HNRNPC: variants seen among roughly 807,000 people sequenced by gnomAD.
HNRNPC encodes heterogeneous nuclear ribonucleoproteins C1/C2.
HNRNPC carries 3 observed loss-of-function variants against 33.2 expected under a neutral mutation model. The observed-to-expected ratio is 0.09, with a 90% CI of 0.04 to 0.23. HNRNPC has a LOEUF of 0.23. Ranked by LOEUF, HNRNPC falls within the 10% of genes least tolerant of loss-of-function variation. The pLI is 1.00. For missense variants in HNRNPC, 143 were observed against 366.7 expected, an observed-to-expected ratio of 0.39 and a Z score of 4.98; for synonymous variants, 121 against 126.7, an observed-to-expected ratio of 0.96 and a Z score of 0.30.
rs934360719 is a variant in HNRNPC, at chr14:21,211,099, G to T, written c.*124C>A. ...AATTAATGAACATGGGAAGGACAAG[G>T]ATGGGGAGAACAGTGAGCATGTGCT... On this transcript the variant is annotated 3_prime_UTR_variant, in exon 9 of 9. Transcript: ENST00000553300. 5 of 1,072,104 alleles carry T rather than the reference G, an allele frequency of 4.7e-6. No individual in the cohort carries two copies. The African/African-American group carries it at 7.8e-5, about 17-fold the overall frequency. The allele number at this position is 1,072,104 out of a possible 1,614,324, so 66.4% of individuals were successfully genotyped here. A position where few individuals can be genotyped will look rare whatever the true frequency, so the allele number is the denominator to read the frequency against.
intron 1 of HNRNPC, chr14:21,265,109 A>T (rs182364905): frequency 6.6e-6 from 1 of 152,364 alleles, no homozygotes; most frequent in East Asian, 1.9e-4. Context: ...ATTTTTAAAA[A>T]GAACAGTGTA....
chr14:21,228,604 G>T (rs1411640110), intron 5 of HNRNPC, among the ~76,000 whole-genome samples: 1 of 151,910 alleles, frequency 6.6e-6, no homozygotes, highest in Non-Finnish European at 1.5e-5. Flanking sequence ...ATATTGCCCA[G>T]GCTGGTCTTG....
At chr14:21,227,204 AAAC>A (rs993148293) in intron 5 of HNRNPC, among the ~76,000 whole-genome samples, 1 of 151,604 alleles carries the variant, frequency 6.6e-6, no homozygotes, top group African/African-American at 2.4e-5. Flanking sequence ...TCTCCCCACT[AAAC>A]AAACACTCCT....
At chr14:21,226,895 A>AAAGG (rs1491109668) in intron 5 of HNRNPC, among the ~76,000 whole-genome samples, 2 of 106,658 alleles carry the variant, frequency 1.9e-5, no homozygotes, top group Admixed American at 1.1e-4. Flanking sequence ...AAAAAAAAAA[A>AAAGG]GGGGGGGGGG....
chr14:21,237,530 T>C (rs1894837096), intron 2 of HNRNPC, among the ~76,000 whole-genome samples: 1 of 152,210 alleles, frequency 6.6e-6, no homozygotes, highest in Non-Finnish European at 1.5e-5. Flanking sequence ...CTGCAATATT[T>C]TGTCAAGACT....
intron 2 of HNRNPC, among the ~76,000 whole-genome samples, chr14:21,237,012 G>T (rs1894767040): frequency 6.6e-6 from 1 of 152,188 alleles, no homozygotes; most frequent in South Asian, 2.1e-4. Context: ...ATAACCAGCA[G>T]TTATTTATTG....
At chr14:21,219,460 T>C (rs1288775280) in intron 5 of HNRNPC, among the ~76,000 whole-genome samples, 1 of 152,220 alleles carries the variant, frequency 6.6e-6, no homozygotes, top group Non-Finnish European at 1.5e-5. Context: ...TAACAGTACC[T>C]ACCTTTGTCA....
chr14:21,216,067 C>T (rs1230599582), intron 5 of HNRNPC, among the ~76,000 whole-genome samples: 1 of 147,880 alleles, frequency 6.8e-6, no homozygotes, highest in African/African-American at 2.5e-5. Context: ...TTGCAGACAG[C>T]CATTGCACTC....
At chr14:21,268,107 A>T (rs1214854222) in intron 1 of HNRNPC, among the ~76,000 whole-genome samples, 1 of 152,198 alleles carries the variant, frequency 6.6e-6, no homozygotes, top group Non-Finnish European at 1.5e-5. Flanking sequence ...ACTTAGCCAA[A>T]TCTCATGTGA....
chr14:21,245,804 T>C (rs888219805), intron 2 of HNRNPC, among the ~76,000 whole-genome samples: 2 of 152,166 alleles, frequency 1.3e-5, no homozygotes, highest in African/African-American at 2.4e-5. Flanking sequence ...ATCAGCAAGA[T>C]GTCACTAGGC....
chr14:21,268,498 G>A (rs2139092361), intron 1 of HNRNPC: 1 of 152,212 alleles, frequency 6.6e-6, no homozygotes, highest in South Asian at 2.1e-4. Context: ...CATTAACTAG[G>A]TAAAAACCAC....
intron 4 of HNRNPC, 27 bp downstream of exon 4, chr14:21,230,970 G>A: frequency 1.2e-6 from 2 of 1,613,550 alleles, no homozygotes. Context: ...GAGTAGAGGG[G>A]ACGGAGAAGG....
At chr14:21,215,000 G>A (rs1269724411) in intron 5 of HNRNPC, among the ~76,000 whole-genome samples, 4 of 152,184 alleles carry the variant, frequency 2.6e-5, no homozygotes, top group Non-Finnish European at 5.9e-5. Flanking sequence ...TAGCTAGCTA[G>A]TTCTGTACTA....
At chr14:21,266,948 C>T (rs1879086995) in intron 1 of HNRNPC, among the ~76,000 whole-genome samples, 1 of 149,838 alleles carries the variant, frequency 6.7e-6, no homozygotes, top group Non-Finnish European at 1.5e-5. Flanking sequence ...AAAATTAGCC[C>T]GGTGCGGTGG....
intron 6 of HNRNPC, 120 bp downstream of exon 6, chr14:21,212,840 C>T: frequency 7.7e-7 from 1 of 1,293,390 alleles, no homozygotes; most frequent in Non-Finnish European, 1.1e-6. Context: ...ACCACACACC[C>T]AGCCTCTTCC....
Position 21,224,718 on chromosome 14 carries a change from T to G in HNRNPC, c.365+5601A>C, listed in dbSNP as rs1001070375. ...CCAGAACATGTAATACAAAGCCCTT[T>G]ACAACTAACATTCTTTACAATTTAC... On this transcript the variant is annotated intron_variant, in intron 5 of 8. Transcript: ENST00000553300. Among the ~76,000 whole-genome samples, 32 of 152,282 alleles carry G rather than the reference T, an allele frequency of 2.1e-4. 1 individual carries two copies. Among genetic ancestry groups the G allele is most frequent in the African/African-American group, 7.2e-4 (30 of 41,528 alleles).
At chr14:21,249,171 T>TA (rs1896334908) in intron 2 of HNRNPC, among the ~76,000 whole-genome samples, 1 of 152,150 alleles carries the variant, frequency 6.6e-6, no homozygotes, top group African/African-American at 2.4e-5. Flanking sequence ...CCCTGAAACT[T>TA]AGTCATCATG....
intron 2 of HNRNPC, among the ~76,000 whole-genome samples, chr14:21,244,388 T>C (rs1040110698): frequency 2.6e-5 from 4 of 152,226 alleles, no homozygotes; most frequent in African/African-American, 9.6e-5. Context: ...AAAATTAAGG[T>C]CTTAAAACAT....
intron 2 of HNRNPC, chr14:21,234,945 T>C (rs957410593): frequency 6.8e-6 from 1 of 147,254 alleles, no homozygotes; most frequent in African/African-American, 2.4e-5. Flanking sequence ...ACCTAAAATA[T>C]AGGACATTTA....
Sources: allele counts gnomAD v4.1 joint callset (sites outside exome capture counted in the v4.1 genomes callset), GRCh38; gene constraint gnomAD v4.1.1; transcripts MANE v1.5; gene names NCBI Gene and HGNC (gene_info 2026-07-23, HGNC 2026-07-21).